ROBO1: variants seen among roughly 807,000 people sequenced by gnomAD.
ROBO1 encodes the protein roundabout guidance receptor 1, also known as roundabout homolog 1.
A neutral mutation model predicts 195.9 loss-of-function variants in ROBO1; 149 were observed. The observed-to-expected ratio is 0.76, with a 90% confidence interval of 0.67 to 0.87. The LOEUF is 0.87. ROBO1 is among the 40% of genes least tolerant of loss of function. The probability of loss-of-function intolerance (pLI) is 0.00; values close to 1 mark genes in which losing one functional copy is unlikely to be tolerated. For missense variants in ROBO1, 1,933 were observed against 2,068.3 expected (o/e 0.93, Z 1.27); for synonymous variants, 816 against 733.2 (o/e 1.11, Z -1.82).
intron 3 of ROBO1, among the ~76,000 whole-genome samples, chr3:78,988,219 C>A (rs574766384): frequency 6.6e-6 from 1 of 152,042 alleles, no homozygotes; most frequent in Non-Finnish European, 1.5e-5. Flanking sequence ...CAACTTAATT[C>A]GAAGTTCCCT....
intron 3 of ROBO1, among the ~76,000 whole-genome samples, chr3:79,103,959 G>A (rs2079727371): frequency 6.6e-6 from 1 of 151,758 alleles, no homozygotes; most frequent in Non-Finnish European, 1.5e-5. Context: ...ATGGTTGGGA[G>A]CCTATGATAG....
At chr3:79,295,332 A>G (rs1390539873) in intron 2 of ROBO1, among the ~76,000 whole-genome samples, 3 of 152,202 alleles carry the variant, frequency 2.0e-5, no homozygotes, top group Admixed American at 2.0e-4. Context: ...CATCATTCTC[A>G]GCAAACTAAC....
intron 5 of ROBO1, among the ~76,000 whole-genome samples, chr3:78,719,832 A>G (rs2081999181): frequency 6.6e-6 from 1 of 152,168 alleles, no homozygotes; most frequent in Non-Finnish European, 1.5e-5. Flanking sequence ...TTTTGTATAT[A>G]TCTTTTCTCA....
At chr3:79,500,482 T>G (rs2107497245) in intron 2 of ROBO1, among the ~76,000 whole-genome samples, 1 of 152,284 alleles carries the variant, frequency 6.6e-6, no homozygotes, top group African/African-American at 2.4e-5. Flanking sequence ...CCATTGTTGT[T>G]GATGTCTTTC....
At chr3:78,903,184 T>A (rs2037689079) in intron 4 of ROBO1, among the ~76,000 whole-genome samples, 2 of 152,298 alleles carry the variant, frequency 1.3e-5, no homozygotes, top group South Asian at 2.1e-4. Context: ...TGGCAGTTTT[T>A]ATTAATATAA....
chr3:79,436,556 C>G (rs2038896190), intron 2 of ROBO1, among the ~76,000 whole-genome samples: 1 of 152,156 alleles, frequency 6.6e-6, no homozygotes, highest in South Asian at 2.1e-4. Flanking sequence ...TTGCTTTGAT[C>G]TGTAGGTTGT....
chr3:79,625,655 C>G (rs927917309), intron 1 of ROBO1, among the ~76,000 whole-genome samples: 1 of 151,748 alleles, frequency 6.6e-6, no homozygotes, highest in African/African-American at 2.4e-5. Flanking sequence ...AAGACTAAAC[C>G]AGGAAGAAGC....
At chr3:78,715,684 G>A (rs187839344) in intron 7 of ROBO1, among the ~76,000 whole-genome samples, 2 of 152,082 alleles carry the variant, frequency 1.3e-5, no homozygotes, top group Admixed American at 6.5e-5. Context: ...GGATTATAGC[G>A]TGCCACCATG....
intron 2 of ROBO1, among the ~76,000 whole-genome samples, chr3:79,388,078 T>A (rs2036820293): frequency 6.6e-6 from 1 of 152,056 alleles, no homozygotes; most frequent in South Asian, 2.1e-4. Context: ...ATTAAAAGAC[T>A]ATTATCAATG....
At chr3:79,623,049 A>C (rs1451925458) in intron 1 of ROBO1, among the ~76,000 whole-genome samples, 1 of 152,064 alleles carries the variant, frequency 6.6e-6, no homozygotes, top group Admixed American at 6.6e-5. Context: ...CCTGACGTGA[A>C]CCCCCAGGAA....
At chr3:78,919,446 G>A (rs945931344) in intron 4 of ROBO1, among the ~76,000 whole-genome samples, 1 of 152,188 alleles carries the variant, frequency 6.6e-6, no homozygotes, top group Non-Finnish European at 1.5e-5. Context: ...AGCTGAACAT[G>A]GCCCAAGAAC....
At chr3:79,028,782 A>G (rs2078245374) in intron 3 of ROBO1, among the ~76,000 whole-genome samples, 1 of 151,994 alleles carries the variant, frequency 6.6e-6, no homozygotes, top group Admixed American at 6.6e-5. Context: ...TATTTAATTG[A>G]ATTATTATAT....
At chr3:79,499,596 GATC>G (rs1336625915) in intron 2 of ROBO1, among the ~76,000 whole-genome samples, 1 of 152,004 alleles carries the variant, frequency 6.6e-6, no homozygotes, top group African/African-American at 2.4e-5. Context: ...ACCACAAGCA[GATC>G]ATTAAACACA....
intron 2 of ROBO1, among the ~76,000 whole-genome samples, chr3:79,181,352 T>A (rs1430250644): frequency 6.6e-6 from 1 of 152,204 alleles, no homozygotes; most frequent in African/African-American, 2.4e-5. Flanking sequence ...TAACATGTAC[T>A]AAGGTATAAA....
At chr3:79,459,438 G>T (rs571058040) in intron 2 of ROBO1, among the ~76,000 whole-genome samples, 2 of 151,522 alleles carry the variant, frequency 1.3e-5, no homozygotes, top group Non-Finnish European at 3.0e-5. Context: ...CAGATTAAGA[G>T]AATTAGTTTT....
chr3:78,808,455 G>C (rs879601649), intron 4 of ROBO1, among the ~76,000 whole-genome samples: 2 of 152,016 alleles, frequency 1.3e-5, no homozygotes, highest in Non-Finnish European at 1.5e-5. Context: ...CACCCACCTT[G>C]GCCTTGCAAA....
intron 1 of ROBO1, among the ~76,000 whole-genome samples, chr3:79,655,794 G>A (rs1263029926): frequency 6.6e-6 from 1 of 152,038 alleles, no homozygotes; most frequent in African/African-American, 2.4e-5. Context: ...ATGTTTGACC[G>A]AGATGTGTTC....
chr3:78,868,441 A>T (rs1162171647), intron 4 of ROBO1, among the ~76,000 whole-genome samples: 3 of 152,128 alleles, frequency 2.0e-5, no homozygotes, highest in African/African-American at 7.2e-5. Flanking sequence ...TAATAACAGA[A>T]ATAAATTTAA....
chr3:79,251,948 T>C (rs1202118007), intron 2 of ROBO1, among the ~76,000 whole-genome samples: 1 of 151,586 alleles, frequency 6.6e-6, no homozygotes, highest in African/African-American at 2.4e-5. Context: ...AGACTCAGTC[T>C]CAAAGAAACC....
Sources: allele counts gnomAD v4.1 joint callset (sites outside exome capture counted in the v4.1 genomes callset), GRCh38; gene constraint gnomAD v4.1.1; transcripts MANE v1.5; gene names NCBI Gene and HGNC (gene_info 2026-07-23, HGNC 2026-07-21).